The following RGS6 variants were observed in gnomAD, a reference collection of about 807,000 sequenced individuals.
The protein encoded by RGS6 is regulator of G-protein signaling 6.
A neutral mutation model predicts 78.5 loss-of-function variants in RGS6; 30 were observed. The observed-to-expected ratio is 0.38, with a 90% CI of 0.29 to 0.52. RGS6 has a LOEUF of 0.52. Among genes scored for constraint, RGS6 ranks in the 20% least tolerant of loss-of-function variants. RGS6 has a pLI of 0.85. For synonymous variants in RGS6, 206 were observed against 206.0 expected (o/e 1.00, Z 0.00); for missense variants, 495 against 609.7 (o/e 0.81, Z 1.98).
intron 2 of RGS6, among the ~76,000 whole-genome samples, chr14:72,026,782 A>G (rs930789755): frequency 1.3e-5 from 2 of 152,228 alleles, no homozygotes; most frequent in African/African-American, 4.8e-5. Context: ...GTTCTGTGTC[A>G]GATACTAAGT....
At position 72,266,343 on chromosome 14, in the gene RGS6, G is replaced by C. The variant is rs537133653; in HGVS notation, c.85-85752G>C. 9.2e-5 allele frequency among the ~76,000 whole-genome samples: 14 copies of C among 152,230 alleles called. No homozygotes were observed. The South Asian group carries it at 2.9e-3, about 32-fold the overall frequency. On this transcript the variant is annotated intron_variant, in intron 2 of 17. Coordinates refer to ENST00000553525, the MANE Select transcript of RGS6 (RefSeq NM_001204424.2). ...ACAAGAGTGAGCATTTCTAGAGAAA[G>C]GAAGTGTAAGTGGCCAAGCCTCCTA...
At chr14:71,919,933 G>T in the RGS6 span, among the ~76,000 whole-genome samples, 1 of 152,076 alleles carries the variant, frequency 6.6e-6, no homozygotes, top group Non-Finnish European at 1.5e-5. Flanking sequence ...GGTGGAGGTC[G>T]CAGTGATCAG....
At chr14:71,913,150 G>C in the RGS6 span, among the ~76,000 whole-genome samples, 1 of 152,242 alleles carries the variant, frequency 6.6e-6, no homozygotes, top group East Asian at 1.9e-4. Context: ...TTTACATAAA[G>C]AGCCAGATTT....
In RGS6 at chr14:72,522,136, A is replaced by T. The variant is rs532440846; in HGVS notation, c.1278+3599A>T. Among the ~76,000 whole-genome samples the T allele has an allele frequency of 3.9e-5, 6 of 152,320 alleles. No homozygotes were observed. In the East Asian group the frequency reaches 1.2e-3, roughly 29 times the overall value. ...AAATTTATCACAGTTCTCGAGACTG[A>T]CAAATCCAAAATTAAGGTGTCAGCA... On this transcript the variant is annotated intron_variant, in intron 15 of 17. Transcript: ENST00000553525.
At chr14:72,305,561 G>A (rs1473012557) in intron 2 of RGS6, among the ~76,000 whole-genome samples, 1 of 152,152 alleles carries the variant, frequency 6.6e-6, no homozygotes, top group Non-Finnish European at 1.5e-5. Context: ...TCTGTGATCA[G>A]TGTTGTTTAT....
intron 1 of RGS6, among the ~76,000 whole-genome samples, chr14:71,963,862 TTG>T (rs1255255765): frequency 6.6e-6 from 1 of 152,222 alleles, no homozygotes; most frequent in Non-Finnish European, 1.5e-5. Flanking sequence ...TTCAGTTAGT[TTG>T]TGTATGTACT....
chr14:72,399,936 A>G (rs1429702877), intron 3 of RGS6, among the ~76,000 whole-genome samples: 1 of 152,220 alleles, frequency 6.6e-6, no homozygotes, highest in Non-Finnish European at 1.5e-5. Context: ...AGTGACTGGG[A>G]GAATGGAACC....
At chr14:72,164,798 C>T (rs1169929985) in intron 2 of RGS6, among the ~76,000 whole-genome samples, 2 of 152,086 alleles carry the variant, frequency 1.3e-5, no homozygotes, top group African/African-American at 2.4e-5. Context: ...GAATAAACAG[C>T]GACTGACTTA....
At chr14:72,481,448 T>C (rs1369946123) in intron 12 of RGS6, among the ~76,000 whole-genome samples, 1 of 152,140 alleles carries the variant, frequency 6.6e-6, no homozygotes, top group East Asian at 1.9e-4. Context: ...CACACAGAGA[T>C]CTCTGCAGGC....
At chr14:72,235,982 T>C (rs538588942) in intron 2 of RGS6, among the ~76,000 whole-genome samples, 11 of 152,364 alleles carry the variant, frequency 7.2e-5, no homozygotes, top group East Asian at 5.8e-4. Context: ...CTTTTGTACT[T>C]TCTTCAATAA....
chr14:72,021,753 T>C lies in RGS6; in HGVS notation c.84+56878T>C, dbSNP rs561071174. 3.9e-5 allele frequency among the ~76,000 whole-genome samples: 6 copies of C among 152,040 alleles called. No individual in the cohort carries two copies. The South Asian group carries it at 1.2e-3, about 32-fold the overall frequency. Reference sequence around the variant, plus strand: ...TCCCATAGTGCTGGGATTACAGGTGTGGGCCACTGCGCCTGGCCTTTTTTT... The same window carrying C: ...TCCCATAGTGCTGGGATTACAGGTGCGGGCCACTGCGCCTGGCCTTTTTTT... On this transcript the variant is annotated intron_variant, in intron 2 of 17. Transcript: ENST00000553525.
chr14:71,954,335 C>G (rs1454433808), intron 1 of RGS6, among the ~76,000 whole-genome samples: 7 of 151,654 alleles, frequency 4.6e-5, no homozygotes. Flanking sequence ...TCTATAGTTC[C>G]TGAATATTCT....
intron 2 of RGS6, among the ~76,000 whole-genome samples, chr14:72,305,206 A>T (rs2066966503): frequency 1.3e-5 from 2 of 152,178 alleles, no homozygotes; most frequent in Admixed American, 1.3e-4. Flanking sequence ...ATGAAGTTGA[A>T]ATATCACTTA....
At chr14:72,123,093 G>A (rs905339026) in intron 2 of RGS6, among the ~76,000 whole-genome samples, 4 of 151,934 alleles carry the variant, frequency 2.6e-5, no homozygotes, top group Non-Finnish European at 5.9e-5. Flanking sequence ...CAGCCTCCCA[G>A]GTAGCTGGGA....
chr14:72,356,397 C>T (rs1393203743), intron 3 of RGS6, among the ~76,000 whole-genome samples: 2 of 152,172 alleles, frequency 1.3e-5, no homozygotes, highest in East Asian at 1.9e-4. Context: ...CCTGAGGCCT[C>T]CGCAGCCATG....
chr14:72,622,772 C>A, the RGS6 span, among the ~76,000 whole-genome samples: 1 of 152,058 alleles, frequency 6.6e-6, no homozygotes, highest in African/African-American at 2.4e-5. Flanking sequence ...ACAGTTCCAG[C>A]AGAATGGGAA....
the RGS6 span, among the ~76,000 whole-genome samples, chr14:72,628,924 T>C: frequency 1.3e-5 from 2 of 152,220 alleles, no homozygotes; most frequent in Non-Finnish European, 2.9e-5. Context: ...AGAAGCTATA[T>C]GTAAGTTTAT....
chr14:72,528,460 C>T (rs1013715585), intron 15 of RGS6, among the ~76,000 whole-genome samples: 4 of 152,160 alleles, frequency 2.6e-5, no homozygotes, highest in African/African-American at 9.7e-5. Flanking sequence ...GGCTAAGACA[C>T]TGGTGTGATT....
At position 72,548,342 on chromosome 14, in the gene RGS6, T is replaced by TGTGTGTGCGCGC. The variant is rs796698263; in HGVS notation, c.1422+8249_1422+8250insTGTGTGCGCGCG. Among the ~76,000 whole-genome samples, 782 of 134,820 alleles carry TGTGTGTGCGCGC rather than the reference T, an allele frequency of 5.8e-3. 9 individuals carry two copies. The highest frequency in any genetic ancestry group is 0.023 in the African/African-American group (739 of 31,632). The allele number at this position is 134,820 out of a possible 152,430, so 88.4% of individuals were successfully genotyped here. A position where few individuals can be genotyped will look rare whatever the true frequency, so the allele number is the denominator to read the frequency against. ...CAGATCATATTTGTGTGTGTGTGTG[T>TGTGTGTGCGCGC]GCGCGCGTGTGTGTGTGTGTGTGTG... On this transcript the variant is annotated intron_variant, in intron 17 of 17. Coordinates refer to ENST00000553525, the MANE Select transcript of RGS6 (RefSeq NM_001204424.2).
Sources: gnomAD v4.1 joint callset for allele counts (sites outside exome capture counted in the v4.1 genomes callset) on GRCh38, gnomAD v4.1.1 for gene constraint, MANE v1.5 for transcripts, NCBI Gene and HGNC (gene_info 2026-07-23, HGNC 2026-07-21) for gene names.